WWOX: variants seen among roughly 807,000 people sequenced by gnomAD.
The protein encoded by WWOX is WW domain-containing oxidoreductase.
WWOX carries 69 observed loss-of-function variants against 46.2 expected under a neutral mutation model. The ratio of observed to expected loss-of-function variants is 1.49; its 90% confidence interval spans 1.23 to 1.82. WWOX has a LOEUF of 1.82. Among genes scored for constraint, WWOX ranks in the 40% most tolerant of loss-of-function variants. The probability of loss-of-function intolerance (pLI) is 0.00; values close to 1 mark genes in which losing one functional copy is unlikely to be tolerated. For missense variants in WWOX, 919 were observed against 542.6 expected (o/e 1.69, Z -6.89); for synonymous variants, 359 against 202.6 (o/e 1.77, Z -6.56).
intron 8 of WWOX, among the ~76,000 whole-genome samples, chr16:78,696,767 A>T (rs148000746): frequency 6.6e-6 from 1 of 152,070 alleles, no homozygotes; most frequent in Admixed American, 6.6e-5. Flanking sequence ...CCATCACTCG[A>T]GCAGTATACA....
intron 5 of WWOX, among the ~76,000 whole-genome samples, chr16:78,333,922 C>G (rs1054579667): frequency 6.7e-6 from 1 of 148,352 alleles, no homozygotes; most frequent in East Asian, 2.0e-4. Context: ...TCCTCCCCCT[C>G]TTCTTCTCTT....
At chr16:78,630,661 T>G (rs1305672828) in intron 8 of WWOX, among the ~76,000 whole-genome samples, 1 of 152,196 alleles carries the variant, frequency 6.6e-6, no homozygotes, top group Non-Finnish European at 1.5e-5. Flanking sequence ...CATTTCCCTG[T>G]GCTCATTTTG....
chr16:78,788,906 C>A (rs1438013601), intron 8 of WWOX, among the ~76,000 whole-genome samples: 1 of 152,138 alleles, frequency 6.6e-6, no homozygotes, highest in East Asian at 1.9e-4. Context: ...GCTGCTGTCC[C>A]CTGCTTAGTA....
At chr16:78,429,218 A>G (rs2083159678) in intron 7 of WWOX, among the ~76,000 whole-genome samples, 1 of 152,204 alleles carries the variant, frequency 6.6e-6, no homozygotes, top group Non-Finnish European at 1.5e-5. Context: ...ATGACAGAGG[A>G]GCAATGTACA....
intron 8 of WWOX, among the ~76,000 whole-genome samples, chr16:79,165,649 A>T (rs1018631701): frequency 6.6e-6 from 1 of 152,126 alleles, no homozygotes; most frequent in Admixed American, 6.5e-5. Flanking sequence ...GATTCTGCCT[A>T]CAGCTGGTTT....
chr16:78,279,970 A>T (rs982569722), intron 5 of WWOX, among the ~76,000 whole-genome samples: 2 of 152,198 alleles, frequency 1.3e-5, no homozygotes, highest in Admixed American at 6.5e-5. Flanking sequence ...ACCACAGATG[A>T]ATCAAATGAA....
In WWOX at chr16:78,517,454, C is replaced by T. The variant is rs192611656; in HGVS notation, c.1056+84702C>T. Among the ~76,000 whole-genome samples, 94 of 152,206 alleles carry T rather than the reference C, an allele frequency of 6.2e-4. 1 individual carries two copies. The South Asian group carries it at 7.9e-3, about 13-fold the overall frequency. On this transcript the variant is annotated intron_variant, in intron 8 of 8. Coordinates refer to ENST00000566780, the MANE Select transcript of WWOX (RefSeq NM_016373.4). ...TATGTTTAAATATGAATGTCTTGTT[C>T]GACGCTTCGCATATGTATTTATGGC...
chr16:79,000,097 C>G lies in WWOX; in HGVS notation c.1057-211511C>G, dbSNP rs200362726. ...ATAAAAACCAGGATCCTTCATGTGT[C>G]TGAGCAGGCTTCCCACCATTTGACT... is the stretch of plus-strand genomic sequence containing the variant. On this transcript the variant is annotated intron_variant, in intron 8 of 8. Coordinates refer to ENST00000566780, the MANE Select transcript of WWOX (RefSeq NM_016373.4). Among the ~76,000 whole-genome samples, 11 of 152,266 alleles carry G rather than the reference C, an allele frequency of 7.2e-5. No individual in the cohort carries two copies. The East Asian group carries it at 1.5e-3, about 21-fold the overall frequency.
chr16:78,934,330 T>C (rs2045688980), intron 8 of WWOX, among the ~76,000 whole-genome samples: 1 of 46,138 alleles, frequency 2.2e-5, no homozygotes. Context: ...AGAGCAAGTC[T>C]CCGTCTCAAA....
At position 78,484,409 on chromosome 16, in the gene WWOX, G is replaced by A. The variant is rs562490022; in HGVS notation, c.1056+51657G>A. Among the ~76,000 whole-genome samples the A allele has an allele frequency of 3.9e-4, 59 of 151,998 alleles. 2 individuals are homozygous for A. The South Asian group carries it at 0.012, about 32-fold the overall frequency. ...TGATCCAGCAGCTGGTATTTGAATT[G>A]GTCGATATACTCTGTAACTTGTTTA... On this transcript the variant is annotated intron_variant, in intron 8 of 8. Transcript: ENST00000566780.
intron 4 of WWOX, among the ~76,000 whole-genome samples, chr16:78,122,646 C>G (rs1416528623): frequency 2.6e-5 from 4 of 151,340 alleles, no homozygotes; most frequent in Non-Finnish European, 5.9e-5. Context: ...GCTCTGTCAC[C>G]CAGGCTGTAG....
At chr16:78,561,007 A>G (rs1190008854) in intron 8 of WWOX, among the ~76,000 whole-genome samples, 2 of 152,316 alleles carry the variant, frequency 1.3e-5, no homozygotes, top group East Asian at 3.9e-4. Flanking sequence ...TGGGGACAAA[A>G]TAAAGGTGTC....
At chr16:78,725,339 CTTTTCTTT>C (rs1272791023) in intron 8 of WWOX, among the ~76,000 whole-genome samples, 5 of 86,784 alleles carry the variant, frequency 5.8e-5, no homozygotes, top group Admixed American at 2.8e-4. Flanking sequence ...CTTTTCTTTT[CTTTTCTTT>C]TTTTTTTTTT....
At chr16:78,995,677 A>G (rs17637675) in intron 8 of WWOX, among the ~76,000 whole-genome samples, 19,686 of 152,236 alleles carry the variant, frequency 0.13, 1,474 homozygotes, top group East Asian at 0.2. Flanking sequence ...TATAGCCAGC[A>G]TTTGATTCTC....
chr16:79,138,891 G>C (rs972739518), intron 8 of WWOX, among the ~76,000 whole-genome samples: 1 of 152,202 alleles, frequency 6.6e-6, no homozygotes, highest in Non-Finnish European at 1.5e-5. Flanking sequence ...GGAGCAGAGA[G>C]CACAGCAGGC....
chr16:78,256,023 G>A (rs13334208), intron 5 of WWOX, among the ~76,000 whole-genome samples: 2,605 of 151,730 alleles, frequency 0.017, 66 homozygotes, highest in African/African-American at 0.056. Flanking sequence ...GGTGGCATGT[G>A]CCTGTAGTCC....
intron 6 of WWOX, among the ~76,000 whole-genome samples, chr16:78,396,061 C>CT (rs1196738154): frequency 1.3e-5 from 2 of 152,148 alleles, no homozygotes; most frequent in Admixed American, 6.5e-5. Context: ...TCCTTAAAAA[C>CT]TTTTTTTGCC....
intron 8 of WWOX, among the ~76,000 whole-genome samples, chr16:79,115,508 C>A (rs574948825): frequency 6.6e-6 from 1 of 152,134 alleles, no homozygotes; most frequent in Non-Finnish European, 1.5e-5. Flanking sequence ...TTAGCAGCTG[C>A]CACAAACTGG....
chr16:78,724,807 G>T (rs561731446), intron 8 of WWOX, among the ~76,000 whole-genome samples: 9 of 152,308 alleles, frequency 5.9e-5, no homozygotes, highest in Non-Finnish European at 1.2e-4. Flanking sequence ...AGTTGTGTGT[G>T]TGTGTGTAGT....
Sources: allele counts gnomAD v4.1 joint callset (sites outside exome capture counted in the v4.1 genomes callset), GRCh38; gene constraint gnomAD v4.1.1; transcripts MANE v1.5; gene names NCBI Gene and HGNC (gene_info 2026-07-23, HGNC 2026-07-21).